The following DCC variants were observed in gnomAD, a reference collection of about 807,000 sequenced individuals.
DCC encodes netrin receptor DCC.
In DCC, 58 loss-of-function variants were observed where a neutral mutation model predicts 172.5. The ratio of observed to expected loss-of-function variants is 0.34; its 90% CI spans 0.27 to 0.42. The LOEUF (loss-of-function observed/expected upper bound fraction) is 0.42. Among genes scored for constraint, DCC ranks in the 10% least tolerant of loss-of-function variants. DCC has a pLI of 1.00. For synonymous variants in DCC, 709 were observed against 644.5 expected (o/e 1.10, Z -1.52); for missense variants, 1,740 against 1,791.0 (o/e 0.97, Z 0.51).
chr18:53,323,146 G>T, intron 14 of DCC, among the ~76,000 whole-genome samples: 1 of 151,846 alleles, frequency 6.6e-6, no homozygotes. Flanking sequence ...TTTCCCTTCC[G>T]TTTTTAAATC....
chr18:52,411,190 G>T (rs1393118557), intron 1 of DCC, among the ~76,000 whole-genome samples: 1 of 152,114 alleles, frequency 6.6e-6, no homozygotes, highest in Non-Finnish European at 1.5e-5. Flanking sequence ...TATGCGGACT[G>T]CTTTAAGGCA....
intron 1 of DCC, among the ~76,000 whole-genome samples, chr18:52,660,758 T>C (rs1326289675): frequency 6.6e-6 from 1 of 152,194 alleles, no homozygotes; most frequent in African/African-American, 2.4e-5. Context: ...CTTGTTGGCA[T>C]ATGTAAGAAT....
intron 13 of DCC, among the ~76,000 whole-genome samples, chr18:53,317,375 G>A (rs959991178): frequency 2.6e-5 from 4 of 152,118 alleles, no homozygotes; most frequent in East Asian, 3.8e-4. Flanking sequence ...TGCTGGATTC[G>A]GTTTGCCAGT....
intron 12 of DCC, among the ~76,000 whole-genome samples, chr18:53,297,283 C>A (rs975443800): frequency 6.6e-6 from 1 of 152,112 alleles, no homozygotes; most frequent in African/African-American, 2.4e-5. Flanking sequence ...GCCAGTGACA[C>A]CCTTTGTTTT....
intron 7 of DCC, among the ~76,000 whole-genome samples, chr18:53,130,504 G>A (rs1245746581): frequency 6.6e-6 from 1 of 152,054 alleles, no homozygotes. Flanking sequence ...CAAGTCTAGG[G>A]ATTTTAAGGT....
chr18:52,821,044 G>A (rs1312357803), intron 2 of DCC, among the ~76,000 whole-genome samples: 5 of 152,068 alleles, frequency 3.3e-5, no homozygotes, highest in Non-Finnish European at 5.9e-5. Context: ...ATTTTATGAC[G>A]TTATTTCATA....
At chr18:52,498,017 A>T (rs1032134132) in intron 1 of DCC, among the ~76,000 whole-genome samples, 1 of 152,238 alleles carries the variant, frequency 6.6e-6, no homozygotes, top group East Asian at 1.9e-4. Flanking sequence ...AAACAGCACC[A>T]GAGACAATAC....
chr18:52,509,627 G>A (rs2031362118), intron 1 of DCC, among the ~76,000 whole-genome samples: 1 of 152,120 alleles, frequency 6.6e-6, no homozygotes, highest in South Asian at 2.1e-4. Flanking sequence ...ACAACAGCTG[G>A]TTCACTCCTA....
intron 5 of DCC, among the ~76,000 whole-genome samples, chr18:52,991,757 A>G (rs944232375): frequency 1.3e-5 from 2 of 152,184 alleles, no homozygotes; most frequent in African/African-American, 4.8e-5. Context: ...CTACAATGCT[A>G]TTCAGTCTAA....
At chr18:52,499,074 C>T (rs1380611808) in intron 1 of DCC, among the ~76,000 whole-genome samples, 1 of 152,166 alleles carries the variant, frequency 6.6e-6, no homozygotes, top group Non-Finnish European at 1.5e-5. Context: ...TGTTAACTGC[C>T]TGTCATCTTT....
chr18:52,670,402 T>C (rs923057507), intron 1 of DCC, among the ~76,000 whole-genome samples: 41 of 152,346 alleles, frequency 2.7e-4, no homozygotes, highest in African/African-American at 9.9e-4. Context: ...CTAAGTAAAA[T>C]GCTATCACTT....
At chr18:52,556,879 C>G (rs1037229110) in intron 1 of DCC, among the ~76,000 whole-genome samples, 1 of 152,156 alleles carries the variant, frequency 6.6e-6, no homozygotes, top group Non-Finnish European at 1.5e-5. Context: ...TTTGGACTAA[C>G]TCTCAAATTC....
At chr18:52,758,709 A>G (rs974434881) in intron 2 of DCC, 35 of 152,134 alleles carry the variant, frequency 2.3e-4, no homozygotes, top group Admixed American at 2.1e-3. Flanking sequence ...AGGAAGAATA[A>G]ACCACATTGC....
At chr18:52,389,319 T>C (rs1337389438) in intron 1 of DCC, among the ~76,000 whole-genome samples, 2 of 152,152 alleles carry the variant, frequency 1.3e-5, no homozygotes, top group East Asian at 3.9e-4. Flanking sequence ...ACAAATAATT[T>C]TTAGTATATC....
intron 20 of DCC, among the ~76,000 whole-genome samples, chr18:53,410,986 A>G (rs1269092927): frequency 6.6e-6 from 1 of 152,166 alleles, no homozygotes; most frequent in Non-Finnish European, 1.5e-5. Context: ...GAATTATGTG[A>G]ATAGCATACT....
intron 12 of DCC, among the ~76,000 whole-genome samples, chr18:53,287,013 C>T (rs930709045): frequency 1.3e-5 from 2 of 151,972 alleles, no homozygotes; most frequent in Non-Finnish European, 2.9e-5. Context: ...AACATCTTCA[C>T]ATGTGGTATT....
At chr18:53,223,658 A>G (rs1423437950) in intron 12 of DCC, among the ~76,000 whole-genome samples, 1 of 152,212 alleles carries the variant, frequency 6.6e-6, no homozygotes, top group Non-Finnish European at 1.5e-5. Context: ...CCCTACCAGT[A>G]GGTAAAAGCA....
chr18:52,398,188 ATTTCACAAC>A (rs1249523846), intron 1 of DCC, among the ~76,000 whole-genome samples: 1 of 151,972 alleles, frequency 6.6e-6, no homozygotes, highest in Non-Finnish European at 1.5e-5. Context: ...TGGGTGGAGG[ATTTCACAAC>A]TTTGGTCCCA....
chr18:52,822,605 G>T (rs371178091), intron 2 of DCC, among the ~76,000 whole-genome samples: 5 of 152,190 alleles, frequency 3.3e-5, no homozygotes, highest in African/African-American at 1.2e-4. Context: ...AATGTTGAGA[G>T]AATGTCAAGC....
Sources: gnomAD v4.1 joint callset for allele counts (sites outside exome capture counted in the v4.1 genomes callset) on GRCh38, gnomAD v4.1.1 for gene constraint, MANE v1.5 for transcripts, NCBI Gene and HGNC (gene_info 2026-07-23, HGNC 2026-07-21) for gene names.